The following KCNH5 variants were observed in gnomAD, a reference collection of about 807,000 sequenced individuals.
KCNH5 encodes the protein voltage-gated delayed rectifier potassium channel KCNH5.
KCNH5 carries 46 observed loss-of-function variants against 96.1 expected under a neutral mutation model. The ratio of observed to expected loss-of-function variants is 0.48; its 90% confidence interval spans 0.38 to 0.61. The LOEUF is 0.61. Ranked by LOEUF, KCNH5 falls within the 20% of genes least tolerant of loss-of-function variation. KCNH5 has a pLI of 0.00. For missense variants in KCNH5, 907 were observed against 1,225.8 expected, an observed-to-expected ratio of 0.74 and a Z score of 3.88; for synonymous variants, 439 against 449.8, an observed-to-expected ratio of 0.98 and a Z score of 0.30.
chr14:62,781,477 C>A (rs1272272041), intron 9 of KCNH5, among the ~76,000 whole-genome samples: 1 of 152,130 alleles, frequency 6.6e-6, no homozygotes, highest in Non-Finnish European at 1.5e-5. Context: ...AGCCTGGGAG[C>A]GCTATGGGAG....
At chr14:62,961,351 T>C (rs1374535903) in intron 6 of KCNH5, among the ~76,000 whole-genome samples, 2 of 152,122 alleles carry the variant, frequency 1.3e-5, no homozygotes, top group Non-Finnish European at 2.9e-5. Context: ...TTTAAAACAA[T>C]CTCCCTACCC....
chr14:62,711,956 A>T (rs1884578873), intron 10 of KCNH5, among the ~76,000 whole-genome samples: 1 of 152,218 alleles, frequency 6.6e-6, no homozygotes, highest in Non-Finnish European at 1.5e-5. Context: ...GAGTGGCTAC[A>T]GGCCCTCCAG....
intron 10 of KCNH5, among the ~76,000 whole-genome samples, chr14:62,733,744 C>A (rs1305276159): frequency 1.3e-5 from 2 of 152,162 alleles, no homozygotes; most frequent in Admixed American, 1.3e-4. Flanking sequence ...GCATTTGACA[C>A]TATTGGCCAC....
chr14:62,770,579 C>T (rs897768971), intron 10 of KCNH5, among the ~76,000 whole-genome samples: 25 of 152,160 alleles, frequency 1.6e-4, no homozygotes, highest in African/African-American at 6.0e-4. Flanking sequence ...CCTCTATGTT[C>T]TGTTTTTCCA....
At chr14:62,721,499 GCTCTCTCT>G (rs10567188) in intron 10 of KCNH5, among the ~76,000 whole-genome samples, 7 of 149,366 alleles carry the variant, frequency 4.7e-5, no homozygotes, top group Middle Eastern at 3.4e-3. Flanking sequence ...TCACTCACTC[GCTCTCTCT>G]CTCTCTCTCT....
chr14:62,893,534 T>C (rs747528146), intron 7 of KCNH5, among the ~76,000 whole-genome samples: 23 of 152,166 alleles, frequency 1.5e-4, no homozygotes, highest in Non-Finnish European at 3.1e-4. Flanking sequence ...AGTAGGTGGA[T>C]CACTTGAGGT....
intron 7 of KCNH5, among the ~76,000 whole-genome samples, chr14:62,946,883 A>T (rs1412332331): frequency 6.6e-6 from 1 of 152,160 alleles, no homozygotes; most frequent in Non-Finnish European, 1.5e-5. Flanking sequence ...AATTATAAAG[A>T]TGGAGAGCAG....
intron 7 of KCNH5, among the ~76,000 whole-genome samples, chr14:62,947,702 AAGGAC>A (rs1889915937): frequency 1.3e-5 from 2 of 148,148 alleles, no homozygotes; most frequent in East Asian, 3.9e-4. Flanking sequence ...GAATCTCAGA[AAGGAC>A]AGCTTAGACA....
At chr14:62,902,288 A>T (rs1406747079) in intron 7 of KCNH5, among the ~76,000 whole-genome samples, 1 of 150,862 alleles carries the variant, frequency 6.6e-6, no homozygotes, top group East Asian at 1.9e-4. Context: ...TGCTTTTCCA[A>T]GGCTGATGAC....
intron 1 of KCNH5, among the ~76,000 whole-genome samples, chr14:63,029,091 A>G (rs1450286268): frequency 5.3e-5 from 8 of 152,126 alleles, no homozygotes; most frequent in Admixed American, 6.6e-5. Flanking sequence ...AACTATATGC[A>G]CTCTGAGTTT....
At chr14:62,922,693 A>G (rs762924654) in intron 7 of KCNH5, among the ~76,000 whole-genome samples, 1 of 152,024 alleles carries the variant, frequency 6.6e-6, no homozygotes, top group Non-Finnish European at 1.5e-5. Flanking sequence ...TAACAGAATG[A>G]AGAATAAAAT....
chr14:62,869,610 A>G (rs771336362), intron 7 of KCNH5, among the ~76,000 whole-genome samples: 7 of 152,158 alleles, frequency 4.6e-5, no homozygotes, highest in Admixed American at 6.5e-5. Flanking sequence ...ATCCATGCCT[A>G]TGTCCTGAAT....
chr14:62,719,049 G>A (rs1046689880), intron 10 of KCNH5, among the ~76,000 whole-genome samples: 1 of 152,180 alleles, frequency 6.6e-6, no homozygotes, highest in Non-Finnish European at 1.5e-5. Flanking sequence ...AGGCATAAGG[G>A]AAAGTGAGAA....
At chr14:62,909,681 A>C (rs1044484612) in intron 7 of KCNH5, among the ~76,000 whole-genome samples, 1 of 151,952 alleles carries the variant, frequency 6.6e-6, no homozygotes, top group South Asian at 2.1e-4. Context: ...TAAGCTCTTT[A>C]TATGTCTCCA....
chr14:62,795,146 G>A (rs1023104177), intron 9 of KCNH5, among the ~76,000 whole-genome samples: 2 of 152,056 alleles, frequency 1.3e-5, no homozygotes, highest in African/African-American at 4.8e-5. Context: ...TAAAGTTATG[G>A]GCTTTTGAGA....
chr14:62,864,037 T>G (rs1027280885), intron 7 of KCNH5, among the ~76,000 whole-genome samples: 16 of 152,146 alleles, frequency 1.1e-4, no homozygotes, highest in African/African-American at 3.9e-4. Context: ...TCTCCTTACT[T>G]CTATTCTCTG....
chr14:62,941,212 C>T (rs1889783511), intron 7 of KCNH5, among the ~76,000 whole-genome samples: 1 of 152,106 alleles, frequency 6.6e-6, no homozygotes, highest in South Asian at 2.1e-4. Context: ...AACGTTCAGG[C>T]TAGTTAATAG....
intron 7 of KCNH5, among the ~76,000 whole-genome samples, chr14:62,870,925 C>A (rs937083557): frequency 1.3e-5 from 2 of 152,016 alleles, no homozygotes; most frequent in Non-Finnish European, 2.9e-5. Flanking sequence ...GTATTCTGAC[C>A]CCAAATCCTG....
At chr14:62,728,706 C>G (rs909899901) in intron 10 of KCNH5, among the ~76,000 whole-genome samples, 8 of 152,104 alleles carry the variant, frequency 5.3e-5, no homozygotes, top group African/African-American at 1.9e-4. Flanking sequence ...GCCTCATTTT[C>G]TTCATTTTTA....
Sources: gnomAD v4.1 joint callset for allele counts (sites outside exome capture counted in the v4.1 genomes callset) on GRCh38, gnomAD v4.1.1 for gene constraint, MANE v1.5 for transcripts, NCBI Gene and HGNC (gene_info 2026-07-23, HGNC 2026-07-21) for gene names.